The following PACRG variants were observed in gnomAD, a reference collection of about 807,000 sequenced individuals.
PACRG encodes parkin coregulated, also known as parkin coregulated gene protein.
In PACRG, 29 loss-of-function variants were observed where a neutral mutation model predicts 29.7. The observed-to-expected ratio is 0.98, with a 90% CI of 0.73 to 1.33. PACRG has a LOEUF of 1.33. Ranked by LOEUF, PACRG falls within the 40% of genes most tolerant of loss-of-function variation. PACRG has a pLI of 0.00. For missense variants in PACRG, 279 were observed against 316.2 expected, an observed-to-expected ratio of 0.88 and a Z score of 0.89; for synonymous variants, 116 against 118.7, an observed-to-expected ratio of 0.98 and a Z score of 0.15.
chr6:163,295,038 G>T (rs1452460840), intron 4 of PACRG, among the ~76,000 whole-genome samples: 1 of 152,114 alleles, frequency 6.6e-6, no homozygotes, highest in African/African-American at 2.4e-5. Flanking sequence ...GGATTAATGA[G>T]AATTCAAATT....
intron 1 of PACRG, among the ~76,000 whole-genome samples, chr6:162,787,004 T>G (rs2128320280): frequency 6.6e-6 from 1 of 152,250 alleles, no homozygotes; most frequent in Admixed American, 6.5e-5. Context: ...AGTAGCAGTT[T>G]TGCCAGTAGA....
intron 2 of PACRG, among the ~76,000 whole-genome samples, chr6:162,997,941 T>C (rs1356129983): frequency 6.6e-6 from 1 of 152,216 alleles, no homozygotes; most frequent in East Asian, 1.9e-4. Context: ...ACTCCCTCCT[T>C]TCTCAGAGCC....
intron 3 of PACRG, among the ~76,000 whole-genome samples, chr6:163,076,840 T>A (rs1454182159): frequency 6.6e-6 from 1 of 151,976 alleles, no homozygotes; most frequent in Non-Finnish European, 1.5e-5. Context: ...TACCCTCAAC[T>A]CCAGTCCTAT....
intron 4 of PACRG, among the ~76,000 whole-genome samples, chr6:163,298,951 G>A (rs1307487930): frequency 1.4e-4 from 22 of 152,074 alleles, no homozygotes; most frequent in Admixed American, 1.4e-3. Flanking sequence ...GCCTGTAGTG[G>A]CCCCCCAAGT....
At chr6:162,962,789 G>A (rs1800736552) in intron 2 of PACRG, among the ~76,000 whole-genome samples, 1 of 152,218 alleles carries the variant, frequency 6.6e-6, no homozygotes, top group African/African-American at 2.4e-5. Context: ...CAGGTCACAT[G>A]CTACAAATGT....
rs191634818 is a variant in PACRG, at chr6:163,275,924, G to A, written c.614-38903G>A. Among the ~76,000 whole-genome samples the A allele has an allele frequency of 1.7e-4, 26 of 152,252 alleles. No individual in the cohort carries two copies. The South Asian group carries it at 2.1e-3, about 12-fold the overall frequency. ...CCTGCCACACTGGGACACTGTTCCCGGCTGAGCAGCTGAGGACTCCAGGTG... is the reference window on the plus strand; with the variant it reads ...CCTGCCACACTGGGACACTGTTCCCAGCTGAGCAGCTGAGGACTCCAGGTG... On this transcript the variant is annotated intron_variant, in intron 4 of 4. Transcript: ENST00000366888.
At chr6:163,085,149 A>T (rs1346216535) in intron 3 of PACRG, among the ~76,000 whole-genome samples, 1 of 152,066 alleles carries the variant, frequency 6.6e-6, no homozygotes, top group Non-Finnish European at 1.5e-5. Flanking sequence ...AGCTTTTTTT[A>T]AAACACAAAA....
intron 1 of PACRG, among the ~76,000 whole-genome samples, chr6:162,744,041 A>T (rs1780799698): frequency 6.6e-6 from 1 of 152,034 alleles, no homozygotes; most frequent in Admixed American, 6.5e-5. Flanking sequence ...ACTTATGAGG[A>T]ATTATTTTTC....
chr6:163,229,693 A>T (rs995342116), intron 4 of PACRG, among the ~76,000 whole-genome samples: 1 of 152,222 alleles, frequency 6.6e-6, no homozygotes, highest in Non-Finnish European at 1.5e-5. Flanking sequence ...ACCCTTGAAT[A>T]GTTCTAGGAG....
At chr6:162,943,715 T>G (rs1798797478) in intron 2 of PACRG, among the ~76,000 whole-genome samples, 1 of 152,126 alleles carries the variant, frequency 6.6e-6, no homozygotes, top group South Asian at 2.1e-4. Context: ...TCTCCTGCCC[T>G]GTGCACCATA....
chr6:163,195,546 C>A (rs922346934), intron 4 of PACRG, among the ~76,000 whole-genome samples: 1 of 152,130 alleles, frequency 6.6e-6, no homozygotes, highest in Non-Finnish European at 1.5e-5. Context: ...TTTCCAGCGG[C>A]GAAATCGTTC....
chr6:163,023,330 G>A (rs998023746), intron 2 of PACRG, among the ~76,000 whole-genome samples: 2 of 152,102 alleles, frequency 1.3e-5, no homozygotes, highest in Admixed American at 6.5e-5. Flanking sequence ...GCAGTATTTG[G>A]TTTTCTGTTC....
In PACRG at chr6:163,114,864, A is replaced by AG. The variant is rs912129216; in HGVS notation, c.613+25456_613+25457insG. Among the ~76,000 whole-genome samples the AG allele has an allele frequency of 5.9e-5, 9 of 151,988 alleles. No individual in the cohort carries two copies. The East Asian group carries it at 1.3e-3, about 23-fold the overall frequency. ...GATATCAAATGTTCTCAGCATCAAA[A>AG]AAAAAAAAAAGGTAATAATGTGAGG... On this transcript the variant is annotated intron_variant, in intron 4 of 4. Transcript: ENST00000366888.
chr6:163,148,962 G>A (rs1338360246), intron 4 of PACRG, among the ~76,000 whole-genome samples: 1 of 47,628 alleles, frequency 2.1e-5, no homozygotes, highest in Non-Finnish European at 4.8e-5. Context: ...AATCTATGGC[G>A]GGGGGGGGGG....
At chr6:162,970,926 C>T (rs950050305) in intron 2 of PACRG, among the ~76,000 whole-genome samples, 3 of 152,174 alleles carry the variant, frequency 2.0e-5, no homozygotes, top group Admixed American at 6.5e-5. Flanking sequence ...TTTCAGTGGC[C>T]ATGGGTTGTG....
chr6:162,772,789 G>T (rs1212034361), intron 1 of PACRG, among the ~76,000 whole-genome samples: 2 of 152,198 alleles, frequency 1.3e-5, no homozygotes, highest in Admixed American at 1.3e-4. Flanking sequence ...AATTCCAAAA[G>T]AGGTGGCAGG....
At chr6:162,735,382 C>T (rs138940975) in intron 1 of PACRG, among the ~76,000 whole-genome samples, 6 of 152,112 alleles carry the variant, frequency 3.9e-5, no homozygotes, top group Non-Finnish European at 7.4e-5. Context: ...GCTGTTTGTG[C>T]TACAGTCTCA....
At chr6:163,160,014 C>G (rs1471915200) in intron 4 of PACRG, among the ~76,000 whole-genome samples, 2 of 152,172 alleles carry the variant, frequency 1.3e-5, no homozygotes, top group Non-Finnish European at 2.9e-5. Context: ...GTTAGCACTT[C>G]TCTGTACTTT....
At chr6:162,914,318 C>T (rs1584743456) in intron 2 of PACRG, among the ~76,000 whole-genome samples, 1 of 151,924 alleles carries the variant, frequency 6.6e-6, no homozygotes. Context: ...TATTCTTTCC[C>T]CATCAATTGC....
Sources: gnomAD v4.1 joint callset for allele counts (sites outside exome capture counted in the v4.1 genomes callset) on GRCh38, gnomAD v4.1.1 for gene constraint, MANE v1.5 for transcripts, NCBI Gene and HGNC (gene_info 2026-07-23, HGNC 2026-07-21) for gene names.